The following FAM81A variants were observed in gnomAD, a reference collection of about 807,000 sequenced individuals.
The protein encoded by FAM81A is family with sequence similarity 81 member A, also known as protein FAM81A.
A neutral mutation model predicts 46.7 loss-of-function variants in FAM81A; 19 were observed. That is an observed-to-expected ratio of 0.41 (90% CI 0.28 to 0.60). FAM81A has a LOEUF of 0.60. Ranked by LOEUF, FAM81A falls within the 20% of genes least tolerant of loss-of-function variation. The pLI is 0.34. For missense variants in FAM81A, 377 were observed against 453.5 expected, an observed-to-expected ratio of 0.83 and a Z score of 1.53; for synonymous variants, 183 against 152.9, an observed-to-expected ratio of 1.20 and a Z score of -1.45.
intron 2 of FAM81A, among the ~76,000 whole-genome samples, chr15:59,430,749 T>C (rs1297982751): frequency 1.3e-5 from 2 of 152,192 alleles, no homozygotes; most frequent in Non-Finnish European, 2.9e-5. Flanking sequence ...TGCATGTACA[T>C]TTGACTATGA....
chr15:59,457,860 T>TATTGAGGA (rs2081503548), intron 1 of FAM81A, among the ~76,000 whole-genome samples: 1 of 152,214 alleles, frequency 6.6e-6, no homozygotes, highest in South Asian at 2.1e-4. Flanking sequence ...TTGATAGCAG[T>TATTGAGGA]ATTGAGGAAC....
intron 7 of FAM81A, 53 bp from the exon 8 acceptor site, chr15:59,516,569 GATATTATGGCTGATGTGAATGCA>G: frequency 1.4e-6 from 2 of 1,430,934 alleles, no homozygotes. Context: ...GTTGTTAAAC[GATATTATGGCTGATGTGAATGCA>G]ATGCAGATTT....
chr15:59,504,067 T>C (rs1211939810), intron 4 of FAM81A, among the ~76,000 whole-genome samples: 1 of 152,232 alleles, frequency 6.6e-6, no homozygotes, highest in Non-Finnish European at 1.5e-5. Context: ...TAGTGATACC[T>C]GATAGTGTTT....
At chr15:59,398,596 C>T (rs1268687863) in intron 1 of FAM81A, among the ~76,000 whole-genome samples, 1 of 149,722 alleles carries the variant, frequency 6.7e-6, no homozygotes, top group Admixed American at 6.7e-5. Flanking sequence ...CAGTCTCTAT[C>T]AAAAAAAGAA....
intron 6 of FAM81A, among the ~76,000 whole-genome samples, chr15:59,511,525 G>C (rs1314200510): frequency 6.6e-6 from 1 of 152,200 alleles, no homozygotes; most frequent in Non-Finnish European, 1.5e-5. Flanking sequence ...ATGTGAAGTA[G>C]TACAACCACT....
chr15:59,457,250 G>A (rs764073949), intron 1 of FAM81A, among the ~76,000 whole-genome samples: 11 of 152,142 alleles, frequency 7.2e-5, no homozygotes, highest in Admixed American at 1.3e-4. Flanking sequence ...AATCTTGTGC[G>A]ATCCTGCTCC....
At chr15:59,401,221 C>T (rs1596456447) in intron 1 of FAM81A, 6 of 999,152 alleles carry the variant, frequency 6.0e-6, no homozygotes, top group Admixed American at 3.4e-5. Flanking sequence ...AAATTGCTGT[C>T]GAACCAGTAA....
intron 1 of FAM81A, chr15:59,402,045 G>A (rs998848416): frequency 3.3e-5 from 18 of 552,830 alleles, no homozygotes; most frequent in African/African-American, 1.9e-4. Flanking sequence ...CCTGGGGTGC[G>A]AAAAACGCTC....
intron 2 of FAM81A, among the ~76,000 whole-genome samples, chr15:59,433,058 T>C (rs1436221058): frequency 1.4e-5 from 2 of 138,752 alleles, no homozygotes; most frequent in African/African-American, 2.8e-5. Context: ...AGGAGAATGG[T>C]GTGAACTCGG....
intron 2 of FAM81A, among the ~76,000 whole-genome samples, chr15:59,428,072 T>C (rs1246364948): frequency 6.6e-6 from 1 of 152,248 alleles, no homozygotes. Flanking sequence ...GCGTTTGTTA[T>C]TGCCTTTTAG....
intron 3 of FAM81A, among the ~76,000 whole-genome samples, chr15:59,469,123 C>G (rs2141671891): frequency 6.6e-6 from 1 of 152,300 alleles, no homozygotes; most frequent in East Asian, 1.9e-4. Context: ...GAGTGCTTTA[C>G]TTCCAATTAT....
chr15:59,402,643 C>T (rs1381584778), intron 2 of FAM81A, among the ~76,000 whole-genome samples: 1 of 149,674 alleles, frequency 6.7e-6, no homozygotes, highest in Non-Finnish European at 1.5e-5. Context: ...CGGGTTCAAG[C>T]GTTTCTCCTG....
rs749943675 is a variant in FAM81A at position 59,459,967 on chromosome 15, C to A, written c.55C>A (p.Leu19Met). 1 of 1,610,750 alleles carries A rather than the reference C, an allele frequency of 6.2e-7. No individual in the cohort carries two copies. The highest frequency in any genetic ancestry group is 1.1e-5 in the South Asian group (1 of 90,580). The change falls in exon 3 of 9, where the codon CTG becomes ATG. Residue 19 changes from leucine (L) to methionine (M), a missense_variant. Coordinates refer to ENST00000288228, the MANE Select transcript of FAM81A (RefSeq NM_152450.3). ...AACCATGCCCCGACACAGCCAGTCC[C>A]TGACCATGGCACCATACTCATCTGT... ...VRTMPRHSQS[L>M]TMAPYSSVSL...
At chr15:59,398,762 A>AG (rs2081057834) in intron 1 of FAM81A, among the ~76,000 whole-genome samples, 1 of 104,186 alleles carries the variant, frequency 9.6e-6, no homozygotes, top group Non-Finnish European at 2.2e-5. Flanking sequence ...TGTCTCAGAA[A>AG]AAAAAAAAAA....
At chr15:59,444,584 A>G (rs1400846390) in intron 1 of FAM81A, among the ~76,000 whole-genome samples, 2 of 152,104 alleles carry the variant, frequency 1.3e-5, no homozygotes, top group African/African-American at 4.8e-5. Context: ...CCTCCCTGGG[A>G]GACCTGGAGC....
chr15:59,437,602 C>T (rs1041926746), upstream of FAM81A, among the ~76,000 whole-genome samples: 1 of 152,054 alleles, frequency 6.6e-6, no homozygotes, highest in Non-Finnish European at 1.5e-5. Context: ...GGTGTCAAGG[C>T]GATTCAGTAA....
chr15:59,454,778 A>G (rs1168026327), intron 1 of FAM81A, among the ~76,000 whole-genome samples: 2 of 151,790 alleles, frequency 1.3e-5, no homozygotes, highest in Non-Finnish European at 2.9e-5. Flanking sequence ...GATGCATGCC[A>G]CCATGCCCAG....
At chr15:59,429,368 C>A (rs1162272220) in intron 2 of FAM81A, among the ~76,000 whole-genome samples, 1 of 152,180 alleles carries the variant, frequency 6.6e-6, no homozygotes, top group African/African-American at 2.4e-5. Context: ...TCTTCTACAA[C>A]TTGTGCAACT....
rs186790564 is a variant in FAM81A, at chr15:59,447,392, G to A, written c.-78+9110G>A. Among the ~76,000 whole-genome samples the A allele has an allele frequency of 9.8e-5, 15 of 152,336 alleles. No homozygotes were observed. In the South Asian group the frequency reaches 2.7e-3, roughly 27 times the overall value. ...GCCTCACAACCATAATGCCATGTGC[G>A]TTCCTCAATGTGCTAGCCCAGTATA... On this transcript the variant is annotated intron_variant, in intron 1 of 8. Coordinates refer to ENST00000288228, the MANE Select transcript of FAM81A (RefSeq NM_152450.3).
Sources: gnomAD v4.1 joint callset for allele counts (sites outside exome capture counted in the v4.1 genomes callset) on GRCh38, gnomAD v4.1.1 for gene constraint, MANE v1.5 for transcripts, NCBI Gene and HGNC (gene_info 2026-07-23, HGNC 2026-07-21) for gene names.